Variants in NOVA2 observed in about 807,000 individuals in gnomAD.
The protein encoded by NOVA2 is NOVA alternative splicing regulator 2, also known as RNA-binding protein Nova-2.
In NOVA2, 9 loss-of-function variants were observed where a neutral mutation model predicts 22.5. The observed-to-expected ratio is 0.40, with a 90% CI of 0.24 to 0.70. NOVA2 has a LOEUF of 0.70. Ranked by LOEUF, NOVA2 falls within the 30% of genes least tolerant of loss-of-function variation. The probability of loss-of-function intolerance (pLI) is 0.38; values close to 1 mark genes in which losing one functional copy is unlikely to be tolerated. For synonymous variants in NOVA2, 318 were observed against 335.2 expected, an observed-to-expected ratio of 0.95 and a Z score of 0.56; for missense variants, 383 against 682.8, an observed-to-expected ratio of 0.56 and a Z score of 4.89.
chr19:45,940,887 G>A lies in NOVA2; in HGVS notation c.455C>T (p.Thr152Met). 2.5e-6 allele frequency: 4 copies of A among 1,605,832 alleles called. No individual in the cohort carries two copies. Among genetic ancestry groups the A allele is most frequent in the African/African-American group, 1.3e-5 (1 of 75,044 alleles). Residue 152 changes from threonine to methionine, a missense_variant, in exon 4 of 4, where the codon ACG (threonine) becomes ATG (methionine). Thr to Met is a moderately conservative substitution (Grantham distance 81). Coordinates refer to ENST00000263257, the MANE Select transcript of NOVA2 (RefSeq NM_002516.4). ...AGLIIGKGGA[T>M]VKAVMEQSGA... Reference sequence around the variant, plus strand: ...TGACTGTTCCATCACGGCTTTCACCGTGGCGCCTCCCTTGCCGATGATCAG... The same window carrying A: ...TGACTGTTCCATCACGGCTTTCACCATGGCGCCTCCCTTGCCGATGATCAG...
rs1026805407 is a variant in NOVA2 at position 45,935,723 on chromosome 19, C to T, written c.*4140G>A. The T allele has an allele frequency of 2.0e-5, 3 of 152,460 alleles. No individual in the cohort carries two copies. The highest frequency in any genetic ancestry group is 4.8e-5 in the African/African-American group (2 of 41,570). 9.4% of individuals were successfully genotyped at this position (152,460 alleles called of 1,614,324 possible). On this transcript the variant is annotated 3_prime_UTR_variant, in exon 4 of 4. Coordinates refer to ENST00000263257, the MANE Select transcript of NOVA2 (RefSeq NM_002516.4). Reference sequence around the variant, plus strand: ...AGCAATCATCCATTCAGGGGGACTCCTCTCATTTTCCAAACAATTGGCCAC... The same window carrying T: ...AGCAATCATCCATTCAGGGGGACTCTTCTCATTTTCCAAACAATTGGCCAC...
At chr19:45,950,247 C>T (rs1489982959) in intron 3 of NOVA2, among the ~76,000 whole-genome samples, 1 of 151,900 alleles carries the variant, frequency 6.6e-6, no homozygotes, top group East Asian at 1.9e-4. Context: ...CAGCCTCCGC[C>T]TCCCAGGTTC....
intron 1 of NOVA2, among the ~76,000 whole-genome samples, chr19:45,964,703 G>A (rs1032602988): frequency 6.6e-6 from 1 of 151,948 alleles, no homozygotes; most frequent in African/African-American, 2.4e-5. Flanking sequence ...TGGGACTACA[G>A]GCACATGCCA....
chr19:45,940,282 C>A lies in NOVA2; in HGVS notation c.1060G>T (p.Gly354Trp). ...GCGGCTGCGGCCAACGCAAAGGACC[C>A]CAGGGCTCCGGGAGGCGGGGGCGGC... The part of the protein sequence containing the change: ...PPPPPPPGAL[G>W]SFALAAAANG... The change falls in exon 4 of 4, where the codon GGG (glycine) becomes TGG (tryptophan). Residue 354 changes from glycine to tryptophan, a missense_variant. By Grantham distance (184) the Gly-to-Trp change is radical. Coordinates refer to ENST00000263257, the MANE Select transcript of NOVA2 (RefSeq NM_002516.4). The A allele has an allele frequency of 9.0e-7, 1 of 1,116,110 alleles. No homozygotes were observed. Among genetic ancestry groups the A allele is most frequent in the South Asian group, 4.3e-5 (1 of 23,488 alleles). 69.1% of individuals were successfully genotyped at this position (1,116,110 alleles called of 1,614,324 possible). A position where few individuals can be genotyped will look rare whatever the true frequency, so the allele number is the denominator to read the frequency against.
chr19:45,969,510 A>G (rs908333453), intron 1 of NOVA2, among the ~76,000 whole-genome samples: 104 of 31,046 alleles, frequency 3.3e-3, no homozygotes, highest in African/African-American at 5.8e-3. Context: ...CCTGTCTCAG[A>G]AAAAAAAAAA....
chr19:45,953,097 C>G (rs1488907493), intron 3 of NOVA2, among the ~76,000 whole-genome samples: 1 of 152,204 alleles, frequency 6.6e-6, no homozygotes, highest in Admixed American at 6.5e-5. Context: ...CTTCCGGGTC[C>G]GGACAGCGCT....
At chr19:45,961,324 G>A (rs1275710884) in intron 1 of NOVA2, among the ~76,000 whole-genome samples, 171 bp from the exon 2 acceptor site, 1 of 152,168 alleles carries the variant, frequency 6.6e-6, no homozygotes, top group East Asian at 1.9e-4. Flanking sequence ...CCTGCTACGT[G>A]CCTGGCACTG....
At chr19:45,953,339 A>T (rs1297851696) in intron 3 of NOVA2, among the ~76,000 whole-genome samples, 1 of 151,940 alleles carries the variant, frequency 6.6e-6, no homozygotes, top group African/African-American at 2.4e-5. Context: ...CTACCCCCAT[A>T]CGTTAATTAT....
intron 2 of NOVA2, among the ~76,000 whole-genome samples, chr19:45,959,912 C>G (rs991453548): frequency 2.0e-5 from 3 of 151,134 alleles, no homozygotes; most frequent in African/African-American, 7.3e-5. Context: ...CTAAAAAATC[C>G]AAGGGGATTA....
At chr19:45,951,638 G>GAA (rs55888140) in intron 3 of NOVA2, among the ~76,000 whole-genome samples, 12 of 112,776 alleles carry the variant, frequency 1.1e-4, no homozygotes, top group African/African-American at 1.9e-4. Flanking sequence ...AAAAAGAAAA[G>GAA]AAAAAAAAAT....
Position 45,939,690 on chromosome 19 carries a change from C to A in NOVA2, c.*173G>T. ...GCTTCTGAGCCCCCTTCCCAACCGT[C>A]ACTCAATCCTGCCTATGACTACCAG... On this transcript the variant is annotated 3_prime_UTR_variant, in exon 4 of 4. Coordinates refer to ENST00000263257, the MANE Select transcript of NOVA2 (RefSeq NM_002516.4). The A allele has an allele frequency of 1.3e-6, 1 of 785,706 alleles. No individual in the cohort carries two copies. Among genetic ancestry groups the A allele is most frequent in the Non-Finnish European group, 2.0e-6 (1 of 507,592 alleles). 48.7% of individuals were successfully genotyped at this position (785,706 alleles called of 1,614,324 possible).
Position 45,939,777 on chromosome 19 carries a change from G to C in NOVA2, c.*86C>G. 2 of 1,546,610 alleles carry C rather than the reference G, an allele frequency of 1.3e-6. No individual in the cohort carries two copies. Among genetic ancestry groups the C allele is most frequent in the Non-Finnish European group, 1.8e-6 (2 of 1,135,976 alleles). On this transcript the variant is annotated 3_prime_UTR_variant, in exon 4 of 4. Coordinates refer to ENST00000263257, the MANE Select transcript of NOVA2 (RefSeq NM_002516.4). Reference sequence around the variant, plus strand: ...CCCAAGAGGAGCAGGACTACACCAAGCTGAGGTCAGGAGTTGGGGGGGAGG... The same window carrying C: ...CCCAAGAGGAGCAGGACTACACCAACCTGAGGTCAGGAGTTGGGGGGGAGG...
Position 45,938,266 on chromosome 19 carries a change from A to G in NOVA2, c.*1597T>C, listed in dbSNP as rs1967686005. 6.6e-6 allele frequency: 1 copy of G among 151,994 alleles called. No individual in the cohort carries two copies. The highest frequency in any genetic ancestry group is 2.4e-5 in the African/African-American group (1 of 41,274). The allele number at this position is 151,994 out of a possible 1,614,324, so 9.4% of individuals were successfully genotyped here. ...CACTCAGGGAGCCACTCCTAAACCA[A>G]CTCTCAAGGCCGCCTGGCTTGTCAG... is the stretch of plus-strand genomic sequence containing the variant. On this transcript the variant is annotated 3_prime_UTR_variant, in exon 4 of 4. Coordinates refer to ENST00000263257, the MANE Select transcript of NOVA2 (RefSeq NM_002516.4).
Position 45,973,785 on chromosome 19 carries a change from C to T in NOVA2, c.-434G>A, listed in dbSNP as rs1039553121. Among the ~76,000 whole-genome samples the T allele has an allele frequency of 1.3e-5, 2 of 151,094 alleles. No homozygotes were observed. The highest frequency in any genetic ancestry group is 6.6e-5 in the Admixed American group (1 of 15,204). On this transcript the variant is annotated 5_prime_UTR_variant, in exon 1 of 4. In the 5' UTR this introduces an upstream ATG that the reference lacks. Transcript: ENST00000263257. Reference sequence around the variant, plus strand: ...AGAGGTGGGGTCTCTCCTGGGACCACAGAGGCTGGGGACTGGACGCGCCAC... The same window carrying T: ...AGAGGTGGGGTCTCTCCTGGGACCATAGAGGCTGGGGACTGGACGCGCCAC...
At chr19:45,943,138 C>T (rs778029208) in intron 3 of NOVA2, among the ~76,000 whole-genome samples, 2 of 151,410 alleles carry the variant, frequency 1.3e-5, no homozygotes, top group Non-Finnish European at 1.5e-5. Context: ...ACTGCAATCT[C>T]CACCTCCTGG....
Position 45,940,030 on chromosome 19 carries a change from C to T in NOVA2, c.1312G>A (p.Ala438Thr), listed in dbSNP as rs1967721660. ...TLVEYQELTG[A>T]RIQISKKGEF... is the part of the protein sequence containing the mutation. ...CCCTTCTTGGAGATCTGGATGCGAG[C>T]GCCCGTCAGCTCCTGGTACTCCACC... Residue 438 changes from alanine (A) to threonine (T), a missense_variant, in exon 4 of 4, where the codon GCT (alanine) becomes ACT (threonine). Physicochemically the swap from Ala to Thr is moderately conservative, Grantham distance 58. This residue lies in a region of NOVA2 where 34 missense variants were observed against 104.7 expected (regional missense o/e 0.32). Transcript: ENST00000263257. The T allele has an allele frequency of 6.2e-7, 1 of 1,613,914 alleles. No individual in the cohort carries two copies. Among genetic ancestry groups the T allele is most frequent in the African/African-American group, 1.3e-5 (1 of 74,918 alleles).
chr19:45,965,431 TA>T (rs1968155539), intron 1 of NOVA2, among the ~76,000 whole-genome samples: 1 of 152,204 alleles, frequency 6.6e-6, no homozygotes, highest in Non-Finnish European at 1.5e-5. Context: ...AACTCTAGAC[TA>T]AGAGTGACGT....
chr19:45,951,774 GTGACAGAGTGTGACTC>G (rs1297594603), intron 3 of NOVA2, among the ~76,000 whole-genome samples: 1 of 152,110 alleles, frequency 6.6e-6, no homozygotes, highest in Non-Finnish European at 1.5e-5. Context: ...TCCAGCCTGG[GTGACAGAGTGTGACTC>G]TGCCTCAGAC....
intron 1 of NOVA2, among the ~76,000 whole-genome samples, chr19:45,972,240 A>G (rs1459264752): frequency 3.3e-5 from 5 of 150,262 alleles, no homozygotes; most frequent in Non-Finnish European, 7.4e-5. Context: ...TCATACACCC[A>G]CCTTCCCTGT....
Sources: gnomAD v4.1 joint callset for allele counts (sites outside exome capture counted in the v4.1 genomes callset) on GRCh38, gnomAD v4.1.1 for gene constraint, gnomAD v4.1.1 regional missense constraint, MANE v1.5 for transcripts, NCBI Gene and HGNC (gene_info 2026-07-23, HGNC 2026-07-21) for gene names.